Variants in NLRP8 observed in about 807,000 individuals in gnomAD.
NLRP8 encodes the protein NLR family pyrin domain containing 8, also known as NACHT, LRR and PYD domains-containing protein 8.
Under a neutral mutation model 88.7 loss-of-function variants are expected in NLRP8, and 86 were observed. The observed-to-expected ratio is 0.97, with a 90% confidence interval of 0.81 to 1.16. The LOEUF is 1.16. NLRP8 is among the 50% of genes most tolerant of loss of function. The probability of loss-of-function intolerance (pLI) is 0.00; values close to 1 mark genes in which losing one functional copy is unlikely to be tolerated. For missense variants in NLRP8, 1,342 were observed against 1,286.5 expected (o/e 1.04, Z -0.66); for synonymous variants, 504 against 494.6 (o/e 1.02, Z -0.25).
intron 4 of NLRP8, among the ~76,000 whole-genome samples, chr19:55,963,951 C>T (rs1979727028): frequency 6.6e-6 from 1 of 152,118 alleles, no homozygotes; most frequent in Non-Finnish European, 1.5e-5. Context: ...TAAAACTCAT[C>T]CCAAGCAGTA....
chr19:55,966,868 A>G (rs1979866908), intron 5 of NLRP8, among the ~76,000 whole-genome samples: 2 of 152,184 alleles, frequency 1.3e-5, no homozygotes, highest in African/African-American at 4.8e-5. Flanking sequence ...TCCGTCTGAT[A>G]CCAGGAAATC....
intron 6 of NLRP8, 40 bp from the exon 7 acceptor site, chr19:55,973,611 AC>A (rs1980173224): frequency 1.3e-6 from 2 of 1,532,480 alleles, no homozygotes; most frequent in South Asian, 2.6e-5. Context: ...TGAGACAAAG[AC>A]CCCTCTCCAT....
At chr19:55,975,579 C>A (rs1458786481) in intron 7 of NLRP8, among the ~76,000 whole-genome samples, 1 of 152,150 alleles carries the variant, frequency 6.6e-6, no homozygotes. Flanking sequence ...GGTGTATTCA[C>A]GCAATGGAAT....
At chr19:55,986,847 C>T (rs1246655832) in intron 9 of NLRP8, among the ~76,000 whole-genome samples, 2 of 152,182 alleles carry the variant, frequency 1.3e-5, no homozygotes, top group African/African-American at 4.8e-5. Flanking sequence ...GTCTTGCTCT[C>T]TGCCCTTCCC....
intron 6 of NLRP8, among the ~76,000 whole-genome samples, chr19:55,971,665 A>ATG (rs930084383): frequency 5.3e-5 from 6 of 113,152 alleles, no homozygotes; most frequent in East Asian, 4.8e-4. Context: ...ACACACACAC[A>ATG]CGCACACACA....
intron 4 of NLRP8, among the ~76,000 whole-genome samples, chr19:55,964,404 T>G (rs955726056): frequency 9.2e-5 from 14 of 152,184 alleles, no homozygotes; most frequent in Non-Finnish European, 1.8e-4. Context: ...AGAACTCAGT[T>G]CTGAATTCCA....
intron 3 of NLRP8, among the ~76,000 whole-genome samples, chr19:55,957,673 T>TATATATA (rs1378405360): frequency 5.8e-4 from 18 of 31,198 alleles, no homozygotes; most frequent in African/African-American, 4.1e-3. Context: ...AAAATAATAA[T>TATATATA]TATATATATA....
At chr19:55,978,934 T>TC (rs1377498302) in intron 8 of NLRP8, among the ~76,000 whole-genome samples, 2 of 149,102 alleles carry the variant, frequency 1.3e-5, no homozygotes, top group Non-Finnish European at 1.5e-5. Flanking sequence ...CAAAAAAAAT[T>TC]TTTTTTTAAA....
intron 7 of NLRP8, 116 bp from the exon 8 acceptor site, chr19:55,976,017 T>C (rs1481103634): frequency 4.7e-6 from 5 of 1,060,174 alleles, no homozygotes; most frequent in Non-Finnish European, 5.3e-6. Flanking sequence ...AACAAACAAA[T>C]AAAAACAGAA....
intron 6 of NLRP8, among the ~76,000 whole-genome samples, chr19:55,971,100 C>T (rs937056808): frequency 5.9e-5 from 9 of 152,046 alleles, no homozygotes; most frequent in African/African-American, 1.9e-4. Context: ...TATTACTACC[C>T]GTGTATCCTT....
chr19:55,963,890 G>A (rs377543), intron 4 of NLRP8, among the ~76,000 whole-genome samples: 84,331 of 151,860 alleles, frequency 0.56, 23,480 homozygotes, highest in East Asian at 0.63. Context: ...GCGTGTATGC[G>A]TTGCCCACCG....
chr19:55,986,504 ACAC>A (rs1568472083), intron 9 of NLRP8, among the ~76,000 whole-genome samples: 1 of 151,238 alleles, frequency 6.6e-6, no homozygotes, highest in African/African-American at 2.5e-5. Flanking sequence ...ACACACACAC[ACAC>A]ACTAATTGCT....
chr19:55,971,095 C>G (rs1024256813), intron 6 of NLRP8, among the ~76,000 whole-genome samples: 3 of 152,066 alleles, frequency 2.0e-5, no homozygotes, highest in African/African-American at 7.2e-5. Flanking sequence ...ATTAATATTA[C>G]TACCCGTGTA....
At chr19:55,954,314 C>G (rs1172889064) in intron 2 of NLRP8, among the ~76,000 whole-genome samples, 187 bp from the exon 3 acceptor site, 1 of 152,164 alleles carries the variant, frequency 6.6e-6, no homozygotes, top group Non-Finnish European at 1.5e-5. Context: ...TAAGCCACTT[C>G]AAGCTGAGTT....
At chr19:55,968,543 C>T (rs1719431526) in intron 5 of NLRP8, among the ~76,000 whole-genome samples, 1 of 152,040 alleles carries the variant, frequency 6.6e-6, no homozygotes, top group Non-Finnish European at 1.5e-5. Flanking sequence ...GAGTTTGAGA[C>T]CAGCCTGGCC....
intron 4 of NLRP8, among the ~76,000 whole-genome samples, 197 bp downstream of exon 4, chr19:55,962,434 A>G (rs1366115630): frequency 6.6e-6 from 1 of 152,184 alleles, no homozygotes; most frequent in Non-Finnish European, 1.5e-5. Context: ...TGACGGCTCG[A>G]TCTGTCTCTA....
At chr19:55,981,828 GT>G (rs5828663) in intron 9 of NLRP8, among the ~76,000 whole-genome samples, 7,829 of 151,814 alleles carry the variant, frequency 0.052, 664 homozygotes, top group African/African-American at 0.18. Flanking sequence ...CAATCACAAT[GT>G]TTTTTTTCCC....
Position 55,955,241 on chromosome 19 carries a change from G to C in NLRP8, c.1183G>C (p.Val395Leu), listed in dbSNP as rs778875208. ...CACCATTCTCTTCTCCATGTGCCGG[G>C]TCCCTGTGGTTTGCTGGATGGTCTG... Residue 395 changes from valine (V) to leucine (L), a missense_variant, in exon 3 of 10, where the codon GTC becomes CTC. Coordinates refer to ENST00000291971, the MANE Select transcript of NLRP8 (RefSeq NM_176811.2). 47 of 1,614,098 alleles carry C rather than the reference G, an allele frequency of 2.9e-5. No individual in the cohort carries two copies. Among genetic ancestry groups the C allele is most frequent in the Non-Finnish European group, 3.8e-5 (45 of 1,180,040 alleles).
chr19:55,966,388 T>A lies in NLRP8; in HGVS notation c.2381+8T>A. On this transcript the variant is annotated splice_region_variant and intron_variant, in intron 5 of 9. Coordinates refer to ENST00000291971, the MANE Select transcript of NLRP8 (RefSeq NM_176811.2). ...CCGTCTGCAGTGTCTCAGGTGAGAT[T>A]TGAGAGGGGGGTTAGAGTGGGAACC... is the stretch of plus-strand genomic sequence containing the variant. 6.2e-7 allele frequency: 1 copy of A among 1,612,460 alleles called. No individual in the cohort carries two copies. The highest frequency in any genetic ancestry group is 8.5e-7 in the Non-Finnish European group (1 of 1,179,042).
Sources: allele counts gnomAD v4.1 joint callset (sites outside exome capture counted in the v4.1 genomes callset), GRCh38; gene constraint gnomAD v4.1.1; transcripts MANE v1.5; gene names NCBI Gene and HGNC (gene_info 2026-07-23, HGNC 2026-07-21).